The following MGAT4C variants were observed in gnomAD, a reference collection of about 807,000 sequenced individuals.
The protein encoded by MGAT4C is MGAT4 family member C.
A neutral mutation model predicts 40.1 loss-of-function variants in MGAT4C; 19 were observed. The observed-to-expected ratio is 0.47, with a 90% CI of 0.33 to 0.70. The LOEUF (loss-of-function observed/expected upper bound fraction) is 0.70. Ranked by LOEUF, MGAT4C falls within the 30% of genes least tolerant of loss-of-function variation. The pLI, the probability that MGAT4C is intolerant of heterozygous loss-of-function variation, is 0.02. For synonymous variants in MGAT4C, 181 were observed against 187.1 expected (o/e 0.97, Z 0.27); for missense variants, 491 against 563.2 (o/e 0.87, Z 1.30).
intron 1 of MGAT4C, among the ~76,000 whole-genome samples, chr12:86,211,692 T>C (rs1278157984): frequency 1.3e-5 from 2 of 152,156 alleles, no homozygotes; most frequent in African/African-American, 4.8e-5. Context: ...TCTCTGCCAA[T>C]GCTTTTCAAG....
chr12:86,722,500 C>T (rs375033499), intron 2 of MGAT4C, among the ~76,000 whole-genome samples: 1 of 152,060 alleles, frequency 6.6e-6, no homozygotes, highest in South Asian at 2.1e-4. Context: ...CTTTATTTTC[C>T]CATATCTTAA....
intron 1 of MGAT4C, among the ~76,000 whole-genome samples, chr12:86,139,003 CAG>C (rs1882442621): frequency 6.6e-6 from 1 of 152,226 alleles, no homozygotes; most frequent in African/African-American, 2.4e-5. Flanking sequence ...CTGTGTCCTT[CAG>C]AGTCTCTCCC....
intron 2 of MGAT4C, among the ~76,000 whole-genome samples, chr12:86,680,846 C>A (rs2136579273): frequency 6.6e-6 from 1 of 151,906 alleles, no homozygotes; most frequent in Middle Eastern, 3.4e-3. Context: ...CTTCTCATTT[C>A]TTCTTTCTAT....
intron 2 of MGAT4C, among the ~76,000 whole-genome samples, chr12:86,486,910 T>C (rs1036276682): frequency 2.0e-5 from 3 of 152,170 alleles, no homozygotes; most frequent in Non-Finnish European, 4.4e-5. Context: ...ATTCTGCAAA[T>C]TAATCAATCG....
chr12:86,185,251 G>T (rs1326688554), intron 1 of MGAT4C, among the ~76,000 whole-genome samples: 4 of 151,994 alleles, frequency 2.6e-5, no homozygotes. Flanking sequence ...AGGTAGTACA[G>T]CTTTACTTCT....
chr12:86,176,706 A>T lies in MGAT4C; in HGVS notation c.-57+79533T>A, dbSNP rs541859990. Among the ~76,000 whole-genome samples the T allele has an allele frequency of 8.8e-4, 133 of 151,594 alleles. 1 individual carries two copies. Among genetic ancestry groups the T allele is most frequent in the Non-Finnish European group, 1.6e-3 (107 of 67,936 alleles). Reference sequence around the variant, plus strand: ...GATATTCTGATTTTTTATAAATAAGAATAATTTCTTATATGTTGTGAATTT... The same window carrying T: ...GATATTCTGATTTTTTATAAATAAGTATAATTTCTTATATGTTGTGAATTT... On this transcript the variant is annotated intron_variant, in intron 1 of 4. Coordinates refer to ENST00000611864, the MANE Select transcript of MGAT4C (RefSeq NM_001351288.2).
chr12:86,330,858 T>G (rs1954648561), intron 4 of MGAT4C, among the ~76,000 whole-genome samples: 1 of 152,192 alleles, frequency 6.6e-6, no homozygotes, highest in Admixed American at 6.6e-5. Flanking sequence ...ATGGCTAGAT[T>G]GAAATGTTAC....
At chr12:86,387,098 CTG>C (rs1399340357) in intron 3 of MGAT4C, among the ~76,000 whole-genome samples, 2 of 152,104 alleles carry the variant, frequency 1.3e-5, no homozygotes, top group Admixed American at 6.6e-5. Flanking sequence ...ATTTCAGACA[CTG>C]TAATAAGTCT....
intron 2 of MGAT4C, among the ~76,000 whole-genome samples, chr12:86,567,732 C>T (rs1960193317): frequency 6.6e-6 from 1 of 152,196 alleles, no homozygotes; most frequent in African/African-American, 2.4e-5. Flanking sequence ...TCAATACCAG[C>T]TACAACCACG....
At chr12:86,342,254 T>C (rs1235796232) in intron 3 of MGAT4C, among the ~76,000 whole-genome samples, 1 of 152,090 alleles carries the variant, frequency 6.6e-6, no homozygotes, top group East Asian at 1.9e-4. Context: ...GCCCCAAGCA[T>C]AGCATAGTAG....
Position 86,606,711 on chromosome 12 carries a change from T to C in MGAT4C, c.-229+120498A>G, listed in dbSNP as rs184669019. Among the ~76,000 whole-genome samples, 38 of 152,196 alleles carry C rather than the reference T, an allele frequency of 2.5e-4. No homozygotes were observed. The East Asian group carries it at 6.8e-3, about 27-fold the overall frequency. ...TTGTCTTCGTTCAAATTCAGTGTTA[T>C]GTATCAAAGCAAACAACTACCAAGA... is the stretch of plus-strand genomic sequence containing the variant. On this transcript the variant is annotated intron_variant, in intron 2 of 7. Coordinates refer to the MGAT4C transcript ENST00000548651.
At chr12:86,042,261 C>A (rs1891933147) in intron 2 of MGAT4C, among the ~76,000 whole-genome samples, 1 of 152,162 alleles carries the variant, frequency 6.6e-6, no homozygotes, top group Non-Finnish European at 1.5e-5. Flanking sequence ...CTTCTTTATC[C>A]AACCTGCCAC....
intron 1 of MGAT4C, among the ~76,000 whole-genome samples, chr12:86,785,412 C>A (rs1951915168): frequency 6.6e-6 from 1 of 151,906 alleles, no homozygotes; most frequent in Non-Finnish European, 1.5e-5. Context: ...TTAGTAAATT[C>A]TTCCTGAAAA....
At chr12:86,450,940 C>A (rs1485280373) in intron 2 of MGAT4C, among the ~76,000 whole-genome samples, 1 of 151,966 alleles carries the variant, frequency 6.6e-6, no homozygotes. Context: ...AATCATCTTT[C>A]TTCTACATTA....
intron 2 of MGAT4C, among the ~76,000 whole-genome samples, chr12:86,668,374 G>C (rs766824616): frequency 6.6e-6 from 1 of 152,164 alleles, no homozygotes; most frequent in Non-Finnish European, 1.5e-5. Context: ...GAGAGGAAGA[G>C]AGCATCCCCC....
intron 2 of MGAT4C, among the ~76,000 whole-genome samples, chr12:86,593,949 G>C (rs1245764360): frequency 6.6e-6 from 1 of 152,120 alleles, no homozygotes; most frequent in Non-Finnish European, 1.5e-5. Flanking sequence ...CTCCACTTTA[G>C]GAACTGAAAA....
intron 2 of MGAT4C, among the ~76,000 whole-genome samples, chr12:86,634,326 T>C (rs1396913252): frequency 6.6e-6 from 1 of 152,166 alleles, no homozygotes; most frequent in Non-Finnish European, 1.5e-5. Flanking sequence ...TTAATCCATC[T>C]ATACTTCAGT....
chr12:86,271,664 A>G (rs1952952723), intron 4 of MGAT4C, among the ~76,000 whole-genome samples: 1 of 152,210 alleles, frequency 6.6e-6, no homozygotes, highest in African/African-American at 2.4e-5. Context: ...GGTCTGAACA[A>G]AAAAGAATGA....
chr12:86,479,102 C>T (rs11103965), intron 2 of MGAT4C, among the ~76,000 whole-genome samples: 39,335 of 151,770 alleles, frequency 0.26, 6,326 homozygotes, highest in South Asian at 0.39. Context: ...AAATCAAATT[C>T]TATAGACTTT....
Sources: gnomAD v4.1 joint callset for allele counts (sites outside exome capture counted in the v4.1 genomes callset) on GRCh38, gnomAD v4.1.1 for gene constraint, MANE v1.5 for transcripts, NCBI Gene and HGNC (gene_info 2026-07-23, HGNC 2026-07-21) for gene names.